The following FAM227B variants were observed in gnomAD, a reference collection of about 807,000 sequenced individuals.
FAM227B encodes protein FAM227B.
FAM227B carries 88 observed loss-of-function variants against 73.8 expected under a neutral mutation model. That is an observed-to-expected ratio of 1.19 (90% CI 1.00 to 1.42). FAM227B has a LOEUF of 1.42. Among genes scored for constraint, FAM227B ranks in the 40% most tolerant of loss-of-function variants. The pLI is 0.00. For missense variants in FAM227B, 632 were observed against 590.9 expected (o/e 1.07, Z -0.72); for synonymous variants, 210 against 190.5 (o/e 1.10, Z -0.84).
At chr15:49,589,016 C>T (rs1207071761) in intron 4 of FAM227B, among the ~76,000 whole-genome samples, 2 of 151,356 alleles carry the variant, frequency 1.3e-5, no homozygotes, top group Admixed American at 1.3e-4. Flanking sequence ...GACAAATTTG[C>T]CCATTAAATC....
At chr15:49,425,317 C>G (rs886377058) in intron 11 of FAM227B, 3 of 151,826 alleles carry the variant, frequency 2.0e-5, no homozygotes, top group African/African-American at 7.3e-5. Flanking sequence ...AATTTAAAGC[C>G]TTACATTTTT....
intron 3 of FAM227B, among the ~76,000 whole-genome samples, chr15:49,592,549 A>G (rs1312515469): frequency 1.3e-5 from 2 of 152,138 alleles, no homozygotes; most frequent in Non-Finnish European, 2.9e-5. Context: ...TCTGATCCTT[A>G]CTCTGGAAGC....
At chr15:49,446,588 G>A (rs1454613629) in intron 11 of FAM227B, among the ~76,000 whole-genome samples, 1 of 151,250 alleles carries the variant, frequency 6.6e-6, no homozygotes, top group Non-Finnish European at 1.5e-5. Flanking sequence ...TTCATAGAGG[G>A]TAAAGAGCTT....
At chr15:49,576,554 C>G in intron 7 of FAM227B, 187 bp downstream of exon 7, 1 of 507,692 alleles carries the variant, frequency 2.0e-6, no homozygotes, top group South Asian at 2.5e-5. Context: ...AGCAGTAACA[C>G]AGAGTTTAAT....
intron 11 of FAM227B, among the ~76,000 whole-genome samples, chr15:49,419,853 T>C (rs534245960): frequency 6.6e-6 from 1 of 152,168 alleles, no homozygotes; most frequent in Non-Finnish European, 1.5e-5. Flanking sequence ...GCAGCTTTAG[T>C]GGAATTCTTG....
intron 10 of FAM227B, among the ~76,000 whole-genome samples, chr15:49,538,935 A>C (rs1034495332): frequency 1.3e-5 from 2 of 151,982 alleles, no homozygotes; most frequent in East Asian, 3.9e-4. Context: ...GAAATTGTTG[A>C]GTATCCATTT....
At chr15:49,487,321 A>G (rs2056478148) in intron 11 of FAM227B, 3 of 152,130 alleles carry the variant, frequency 2.0e-5, no homozygotes, top group South Asian at 4.1e-4. Flanking sequence ...GTTTCTAACA[A>G]TTAGAAAAGA....
chr15:49,384,323 A>G (rs1456654663), intron 11 of FAM227B, among the ~76,000 whole-genome samples: 6 of 152,042 alleles, frequency 3.9e-5, no homozygotes, highest in Non-Finnish European at 8.8e-5. Context: ...AAAAACTGCT[A>G]TATATTATCA....
chr15:49,378,179 G>T (rs2046293840), intron 11 of FAM227B, among the ~76,000 whole-genome samples: 1 of 151,992 alleles, frequency 6.6e-6, no homozygotes, highest in African/African-American at 2.4e-5. Flanking sequence ...AGGTGTGTGG[G>T]TTTGTTTCTG....
intron 15 of FAM227B, chr15:49,330,859 C>G (rs2038583165): frequency 6.6e-6 from 1 of 152,096 alleles, no homozygotes; most frequent in Non-Finnish European, 1.5e-5. Flanking sequence ...GAGGCTGAGG[C>G]AGGAGGATCA....
chr15:49,481,430 TACCAAATAGAGTGCTCTA>T (rs1365916679), intron 11 of FAM227B, among the ~76,000 whole-genome samples: 1 of 152,226 alleles, frequency 6.6e-6, no homozygotes, highest in Non-Finnish European at 1.5e-5. Flanking sequence ...AAGTTGTAGT[TACCAAATAGAGTGCTCTA>T]AAAGGGCAAG....
intron 11 of FAM227B, among the ~76,000 whole-genome samples, chr15:49,418,500 G>A (rs1020257389): frequency 1.3e-5 from 2 of 152,146 alleles, no homozygotes; most frequent in Non-Finnish European, 2.9e-5. Context: ...TTGCAGGAAC[G>A]TGGATGGAGC....
At chr15:49,470,382 T>C (rs987478925) in intron 11 of FAM227B, among the ~76,000 whole-genome samples, 20 of 152,194 alleles carry the variant, frequency 1.3e-4, no homozygotes, top group Admixed American at 4.6e-4. Context: ...AGCAATTCTG[T>C]TGATCCTACA....
At chr15:49,501,067 G>A (rs7162792) in intron 11 of FAM227B, among the ~76,000 whole-genome samples, 49,408 of 151,986 alleles carry the variant, frequency 0.33, 8,762 homozygotes, top group African/African-American at 0.45. Context: ...TCTTTTTCTT[G>A]TAAATTACCT....
chr15:49,593,900 A>G (rs2076735170), intron 3 of FAM227B, among the ~76,000 whole-genome samples: 1 of 152,158 alleles, frequency 6.6e-6, no homozygotes. Context: ...TGCGAGTGCA[A>G]GTGTCTTTTT....
At chr15:49,345,021 C>G (rs1283917891) in intron 13 of FAM227B, among the ~76,000 whole-genome samples, 2 of 152,122 alleles carry the variant, frequency 1.3e-5, no homozygotes, top group Non-Finnish European at 2.9e-5. Flanking sequence ...ACAGCTATTA[C>G]CTGCTACTAT....
intron 13 of FAM227B, chr15:49,365,741 T>G: frequency 2.3e-6 from 2 of 877,738 alleles, no homozygotes; most frequent in Non-Finnish European, 3.9e-6. Flanking sequence ...TCTTGTAAAA[T>G]CCAAGCCCAC....
chr15:49,371,264 CAAGT>C (rs952569716), intron 12 of FAM227B, 34 bp downstream of exon 12: 19 of 1,278,702 alleles, frequency 1.5e-5, no homozygotes, highest in Admixed American at 3.6e-5. Flanking sequence ...GCAAATTAAA[CAAGT>C]AAGAAATTTT....
chr15:49,457,318 G>A (rs2053399280), intron 11 of FAM227B, among the ~76,000 whole-genome samples: 1 of 151,954 alleles, frequency 6.6e-6, no homozygotes, highest in Non-Finnish European at 1.5e-5. Context: ...AAATCAGCGT[G>A]TAAACTACCC....
Sources: allele counts gnomAD v4.1 joint callset (sites outside exome capture counted in the v4.1 genomes callset), GRCh38; gene constraint gnomAD v4.1.1; transcripts MANE v1.5; gene names NCBI Gene and HGNC (gene_info 2026-07-23, HGNC 2026-07-21).